Variants in TRMT9B observed in about 807,000 individuals in gnomAD.
TRMT9B encodes probable tRNA methyltransferase 9B.
In TRMT9B, 16 loss-of-function variants were observed where a neutral mutation model predicts 11.5. The ratio of observed to expected loss-of-function variants is 1.39; its 90% CI spans 0.94 to 2.11. The LOEUF (loss-of-function observed/expected upper bound fraction) is 2.11. Among genes scored for constraint, TRMT9B ranks in the 30% most tolerant of loss-of-function variants. The pLI is 0.00. For missense variants in TRMT9B, 941 were observed against 553.8 expected, an observed-to-expected ratio of 1.70 and a Z score of -7.02; for synonymous variants, 274 against 192.4, an observed-to-expected ratio of 1.42 and a Z score of -3.51.
rs774087467 is a variant in TRMT9B, at chr8:13,027,796, T to C, written c.*5752T>C. ...CCAGCAGATGGGAAAACCACGGAAG[T>C]GGGAGGGAATCAAGAAGCATTAACA... On this transcript the variant is annotated 3_prime_UTR_variant, in exon 5 of 5. Transcript: ENST00000524591. 1 of 137,508 alleles carries C rather than the reference T, an allele frequency of 7.3e-6. No individual in the cohort carries two copies. Among genetic ancestry groups the C allele is most frequent in the Non-Finnish European group, 1.7e-5 (1 of 58,822 alleles). 8.5% of individuals were successfully genotyped at this position (137,508 alleles called of 1,614,324 possible). A position where few individuals can be genotyped will look rare whatever the true frequency, so the allele number is the denominator to read the frequency against.
chr8:12,970,230 CTGT>C (rs2128867974), intron 1 of TRMT9B: 1 of 152,360 alleles, frequency 6.6e-6, no homozygotes, highest in South Asian at 2.1e-4. Context: ...TTGTAGACAT[CTGT>C]TGTTATTAAA....
intron 1 of TRMT9B, among the ~76,000 whole-genome samples, chr8:12,965,301 C>T (rs1259910036): frequency 1.3e-5 from 2 of 152,162 alleles, no homozygotes; most frequent in Admixed American, 1.3e-4. Flanking sequence ...AAAATCCAAG[C>T]TATTGAGGAG....
intron 2 of TRMT9B, among the ~76,000 whole-genome samples, chr8:13,001,022 C>A (rs1292558405): frequency 2.0e-5 from 3 of 152,212 alleles, no homozygotes; most frequent in Non-Finnish European, 4.4e-5. Flanking sequence ...AGAATATCAT[C>A]TACTAGACTT....
intron 2 of TRMT9B, among the ~76,000 whole-genome samples, chr8:12,999,431 C>T (rs935997592): frequency 3.3e-5 from 5 of 151,488 alleles, no homozygotes; most frequent in African/African-American, 1.2e-4. Flanking sequence ...CACATACATA[C>T]ACGCATACGC....
intron 1 of TRMT9B, among the ~76,000 whole-genome samples, chr8:12,984,490 C>G (rs12542170): frequency 0.31 from 47,731 of 151,996 alleles, 7,997 homozygotes; most frequent in East Asian, 0.58. Context: ...AACCTTTTTT[C>G]AGTAAAATGA....
At chr8:13,012,336 G>A in intron 3 of TRMT9B, 1 of 944,718 alleles carries the variant, frequency 1.1e-6, no homozygotes, top group Non-Finnish European at 1.3e-6. Context: ...CAGCACTTTG[G>A]GAGGCCGAGG....
intron 4 of TRMT9B, among the ~76,000 whole-genome samples, chr8:13,015,752 A>G (rs1334778278): frequency 1.3e-5 from 2 of 152,090 alleles, no homozygotes; most frequent in African/African-American, 4.8e-5. Flanking sequence ...ATGCTTGGGA[A>G]ACACTCCATG....
In TRMT9B at chr8:12,970,312, C is replaced by T. The variant is rs1196655307; in HGVS notation, c.-199-20522C>T. ...TTTTTTATGTAAGCCTATTTCTCCTCATTTATTCACTCTTATTTTCAAAGT... is the reference window on the plus strand; with the variant it reads ...TTTTTTATGTAAGCCTATTTCTCCTTATTTATTCACTCTTATTTTCAAAGT... On this transcript the variant is annotated intron_variant, in intron 1 of 4. Coordinates refer to ENST00000524591, the MANE Select transcript of TRMT9B (RefSeq NM_020844.3). 3.3e-5 allele frequency among the ~76,000 whole-genome samples: 5 copies of T among 152,230 alleles called. No homozygotes were observed. The South Asian group carries it at 1.0e-3, about 31-fold the overall frequency.
intron 1 of TRMT9B, among the ~76,000 whole-genome samples, chr8:12,980,762 A>G (rs573734310): frequency 1.3e-5 from 2 of 152,254 alleles, no homozygotes; most frequent in South Asian, 4.2e-4. Flanking sequence ...TAGGTGGTGT[A>G]GAGGAGAAAG....
intron 2 of TRMT9B, among the ~76,000 whole-genome samples, chr8:12,997,327 CT>C (rs1248615612): frequency 6.6e-6 from 1 of 152,116 alleles, no homozygotes; most frequent in Non-Finnish European, 1.5e-5. Flanking sequence ...ATCTCCTCCC[CT>C]CTCTCTTGCT....
At chr8:12,954,786 A>G (rs552973628) in intron 1 of TRMT9B, among the ~76,000 whole-genome samples, 4 of 152,346 alleles carry the variant, frequency 2.6e-5, no homozygotes, top group African/African-American at 9.6e-5. Flanking sequence ...GACATCTTCA[A>G]AAAGAGTTAA....
chr8:13,016,365 T>A (rs1436594187), intron 4 of TRMT9B, among the ~76,000 whole-genome samples: 1 of 146,592 alleles, frequency 6.8e-6, no homozygotes, highest in Non-Finnish European at 1.5e-5. Context: ...TAAGGACCTA[T>A]ATTATGAGAA....
Position 13,029,013 on chromosome 8 carries a change from C to A in TRMT9B, c.*6969C>A, listed in dbSNP as rs1272372023. On this transcript the variant is annotated 3_prime_UTR_variant, in exon 5 of 5. Transcript: ENST00000524591. The stretch of plus-strand genomic sequence containing the variant: ...CAAACTGTCCTATTTTCTTTATATG[C>A]TCTCTTAAATATGTATGTCTGTAAA... 1 of 166,844 alleles carries A rather than the reference C, an allele frequency of 6.0e-6. No individual in the cohort carries two copies. Among genetic ancestry groups the A allele is most frequent in the Non-Finnish European group, 1.5e-5 (1 of 68,104 alleles). The allele number at this position is 166,844 out of a possible 1,614,324, so 10.3% of individuals were successfully genotyped here.
At chr8:12,974,101 T>G (rs1804052899) in intron 1 of TRMT9B, among the ~76,000 whole-genome samples, 1 of 151,974 alleles carries the variant, frequency 6.6e-6, no homozygotes, top group Admixed American at 6.6e-5. Flanking sequence ...AGCCCAGGAA[T>G]TCAAGGCTTC....
intron 1 of TRMT9B, among the ~76,000 whole-genome samples, chr8:12,976,462 G>A (rs71522315): frequency 1.3e-5 from 2 of 151,838 alleles, no homozygotes; most frequent in Non-Finnish European, 2.9e-5. Flanking sequence ...CATATGGGCC[G>A]GGTGCAGTGG....
intron 4 of TRMT9B, among the ~76,000 whole-genome samples, chr8:13,014,599 C>T (rs1519154): frequency 0.32 from 47,957 of 152,114 alleles, 8,893 homozygotes; most frequent in Middle Eastern, 0.53. Flanking sequence ...CTCCTAATAC[C>T]TTCATACTGG....
At chr8:12,995,008 A>G (rs949841108) in intron 2 of TRMT9B, among the ~76,000 whole-genome samples, 2 of 152,202 alleles carry the variant, frequency 1.3e-5, no homozygotes, top group African/African-American at 4.8e-5. Context: ...AATCTTGCCT[A>G]CGCTTCCAGG....
chr8:12,989,234 GA>G (rs1400219933), intron 1 of TRMT9B, among the ~76,000 whole-genome samples: 1 of 152,278 alleles, frequency 6.6e-6, no homozygotes, highest in East Asian at 1.9e-4. Context: ...GAGAAGAGAA[GA>G]AGAAATGTGT....
At position 13,021,926 on chromosome 8, in the gene TRMT9B, G is replaced by C. The variant is rs375710269; in HGVS notation, c.1247G>C (p.Arg416Pro). 2.5e-6 allele frequency: 4 copies of C among 1,613,690 alleles called. No homozygotes were observed. The highest frequency in any genetic ancestry group is 3.4e-6 in the Non-Finnish European group (4 of 1,179,864). ...TTTATGCGCTACTACCATGTGTTTC[G>C]AGAAGGGGAGCTCTGCAGTCTGCTC... ...TAFMRYYHVF[R>P]EGELCSLLKE... Residue 416 changes from arginine to proline, a missense_variant, in exon 5 of 5, where the codon CGA becomes CCA. Coordinates refer to ENST00000524591, the MANE Select transcript of TRMT9B (RefSeq NM_020844.3).
Sources: allele counts gnomAD v4.1 joint callset (sites outside exome capture counted in the v4.1 genomes callset), GRCh38; gene constraint gnomAD v4.1.1; transcripts MANE v1.5; gene names NCBI Gene and HGNC (gene_info 2026-07-23, HGNC 2026-07-21).